PGAP1: variants seen among roughly 807,000 people sequenced by gnomAD.
PGAP1 encodes the protein GPI inositol-deacylase.
PGAP1 carries 76 observed loss-of-function variants against 127.0 expected under a neutral mutation model. The observed-to-expected ratio is 0.60, with a 90% CI of 0.50 to 0.72. The LOEUF (loss-of-function observed/expected upper bound fraction) is 0.72, where lower values mean the gene tolerates loss of function less well. Among genes scored for constraint, PGAP1 ranks in the 30% least tolerant of loss-of-function variants. PGAP1 has a pLI of 0.00. For synonymous variants in PGAP1, 362 were observed against 366.5 expected (o/e 0.99, Z 0.14); for missense variants, 982 against 1,071.3 (o/e 0.92, Z 1.16).
chr2:196,919,315 T>C (rs555384753), intron 2 of PGAP1, among the ~76,000 whole-genome samples: 1 of 152,366 alleles, frequency 6.6e-6, no homozygotes, highest in Admixed American at 6.5e-5. Flanking sequence ...TCATGGTAGA[T>C]ACCTGTAGAC....
intron 3 of PGAP1, among the ~76,000 whole-genome samples, chr2:196,915,924 T>TC (rs56291214): frequency 0.14 from 20,557 of 152,184 alleles, 1,596 homozygotes; most frequent in African/African-American, 0.21. Flanking sequence ...TCAATGTACC[T>TC]CCCTTACTTG....
Position 196,857,955 on chromosome 2 carries a change from A to G in PGAP1, c.1861+7032T>C, listed in dbSNP as rs568314091. Among the ~76,000 whole-genome samples, 13 of 152,246 alleles carry G rather than the reference A, an allele frequency of 8.5e-5. No homozygotes were observed. In the South Asian group the frequency reaches 1.7e-3, roughly 19 times the overall value. ...TGCATAAGTTTACTGTAGCACACAT[A>G]TTCCCACTGCAGTGCCCTATTACAA... is the stretch of plus-strand genomic sequence containing the variant. On this transcript the variant is annotated intron_variant, in intron 20 of 26. Transcript: ENST00000354764.
At chr2:196,894,080 A>G (rs1038925185) in intron 7 of PGAP1, among the ~76,000 whole-genome samples, 2 of 152,014 alleles carry the variant, frequency 1.3e-5, no homozygotes, top group East Asian at 3.9e-4. Context: ...AATTTTAACA[A>G]CTCTTACCAG....
chr2:196,909,850 C>G (rs1702778716), intron 4 of PGAP1, among the ~76,000 whole-genome samples: 1 of 3,888 alleles, frequency 2.6e-4, no homozygotes, highest in Non-Finnish European at 3.8e-4. Context: ...AACTCCCATT[C>G]ACAATTGCTT....
At chr2:196,861,964 G>A (rs116764846) in intron 20 of PGAP1, among the ~76,000 whole-genome samples, 371 of 150,736 alleles carry the variant, frequency 2.5e-3, no homozygotes, top group Non-Finnish European at 4.6e-3. Flanking sequence ...TGTGATAATC[G>A]TATTAACTGC....
At position 196,865,094 on chromosome 2, in the gene PGAP1, A is replaced by G; in HGVS notation, c.1768-14T>C. 1 of 1,434,876 alleles carries G rather than the reference A, an allele frequency of 7.0e-7. No individual in the cohort carries two copies. The highest frequency in any genetic ancestry group is 9.5e-7 in the Non-Finnish European group (1 of 1,056,368). The allele number at this position is 1,434,876 out of a possible 1,614,324, so 88.9% of individuals were successfully genotyped here. A position where few individuals can be genotyped will look rare whatever the true frequency, so the allele number is the denominator to read the frequency against. ...AAATCTAACTACCTAAAAAACAGGT[A>G]AGTCAATGGGCAACTCCTGAATATT... On this transcript the variant is annotated splice_polypyrimidine_tract_variant and intron_variant, in intron 19 of 26. Transcript: ENST00000354764.
At chr2:196,903,505 G>A (rs1702568453) in intron 4 of PGAP1, among the ~76,000 whole-genome samples, 1 of 144,994 alleles carries the variant, frequency 6.9e-6, no homozygotes, top group Non-Finnish European at 1.5e-5. Context: ...AGGTTGCAGT[G>A]AGCCGAGATT....
chr2:196,902,537 C>A, intron 5 of PGAP1, 48 bp downstream of exon 5: 1 of 1,486,506 alleles, frequency 6.7e-7, no homozygotes, highest in Admixed American at 2.0e-5. Flanking sequence ...TCATGCTCCA[C>A]TGGGTCTATT....
In PGAP1 at chr2:196,854,188, C is replaced by T. The variant is rs749259042; in HGVS notation, c.1862-6151G>A. ...CTCAGAGAACAGGCATGAGCCACCA[C>T]ACACCCGGCCGAAAATTCTAAACTA... On this transcript the variant is annotated intron_variant, in intron 20 of 26. Transcript: ENST00000354764. Among the ~76,000 whole-genome samples the T allele has an allele frequency of 2.0e-5, 3 of 152,000 alleles. No homozygotes were observed. The East Asian group carries it at 5.8e-4, about 29-fold the overall frequency.
chr2:196,860,030 A>G (rs1015875120), intron 20 of PGAP1, among the ~76,000 whole-genome samples: 3 of 151,948 alleles, frequency 2.0e-5, no homozygotes, highest in African/African-American at 7.3e-5. Flanking sequence ...CAAGAGAAAG[A>G]AAAAAAGTAC....
At chr2:196,872,343 G>A (rs1054643217) in intron 18 of PGAP1, 98 bp downstream of exon 18, 27 of 756,704 alleles carry the variant, frequency 3.6e-5, no homozygotes, top group Non-Finnish European at 5.7e-5. Flanking sequence ...TATATGCATT[G>A]GCTTCCATGC....
intron 1 of PGAP1, among the ~76,000 whole-genome samples, chr2:196,925,237 G>A (rs1223734635): frequency 6.6e-6 from 1 of 152,060 alleles, no homozygotes. Flanking sequence ...GGGAAAGAAT[G>A]CTCTTCAGCA....
At chr2:196,880,905 A>C (rs1049469672) in intron 12 of PGAP1, among the ~76,000 whole-genome samples, 2 of 152,066 alleles carry the variant, frequency 1.3e-5, no homozygotes, top group East Asian at 3.8e-4. Flanking sequence ...ATAGATGTGC[A>C]AATTTGTTAC....
chr2:196,914,689 T>C (rs1702943129), intron 3 of PGAP1, among the ~76,000 whole-genome samples: 1 of 151,992 alleles, frequency 6.6e-6, no homozygotes, highest in African/African-American at 2.4e-5. Flanking sequence ...TACTTGCTAT[T>C]GCTATCTCCA....
At chr2:196,870,774 G>A (rs1701386457) in intron 19 of PGAP1, among the ~76,000 whole-genome samples, 167 bp downstream of exon 19, 1 of 152,116 alleles carries the variant, frequency 6.6e-6, no homozygotes, top group South Asian at 2.1e-4. Flanking sequence ...AAGAAAAAAG[G>A]AAGAAGACAG....
chr2:196,891,084 T>C (rs1031108778), intron 9 of PGAP1, among the ~76,000 whole-genome samples, 173 bp from the exon 10 acceptor site: 1 of 152,168 alleles, frequency 6.6e-6, no homozygotes, highest in African/African-American at 2.4e-5. Context: ...AAGAGAAAGA[T>C]TAGGTATAAA....
At chr2:196,879,572 G>C (rs1371317947) in intron 13 of PGAP1, among the ~76,000 whole-genome samples, 3 of 152,140 alleles carry the variant, frequency 2.0e-5, no homozygotes, top group African/African-American at 7.2e-5. Flanking sequence ...GCATGCGCCT[G>C]TAGTCCCAGC....
chr2:196,864,807 C>T (rs1014377016), intron 20 of PGAP1, among the ~76,000 whole-genome samples, 180 bp downstream of exon 20: 80 of 152,068 alleles, frequency 5.3e-4, no homozygotes, highest in African/African-American at 1.9e-3. Context: ...ATAGTAGCTA[C>T]TATTACGTGG....
intron 20 of PGAP1, among the ~76,000 whole-genome samples, chr2:196,860,711 C>T (rs1424002071): frequency 2.0e-5 from 3 of 152,048 alleles, no homozygotes; most frequent in Non-Finnish European, 4.4e-5. Flanking sequence ...AAAGCAATTC[C>T]ATCTATGTTC....
Sources: allele counts gnomAD v4.1 joint callset (sites outside exome capture counted in the v4.1 genomes callset), GRCh38; gene constraint gnomAD v4.1.1; transcripts MANE v1.5; gene names NCBI Gene and HGNC (gene_info 2026-07-23, HGNC 2026-07-21).